IGF1R: variants seen among roughly 807,000 people sequenced by gnomAD.
IGF1R encodes the protein insulin-like growth factor 1 receptor.
In IGF1R, 44 loss-of-function variants were observed where a neutral mutation model predicts 144.6. The ratio of observed to expected loss-of-function variants is 0.30; its 90% CI spans 0.24 to 0.39. The LOEUF is 0.39. Ranked by LOEUF, IGF1R falls within the 10% of genes least tolerant of loss-of-function variation. The pLI is 1.00. For missense variants in IGF1R, 1,355 were observed against 1,833.7 expected (o/e 0.74, Z 4.77); for synonymous variants, 795 against 722.8 (o/e 1.10, Z -1.60).
chr15:98,657,612 G>T (rs1053145910), intron 1 of IGF1R, among the ~76,000 whole-genome samples: 1 of 152,186 alleles, frequency 6.6e-6, no homozygotes, highest in Non-Finnish European at 1.5e-5. Flanking sequence ...CCTTAGTTCT[G>T]TTGTCTGATT....
chr15:98,650,947 G>A, intron 1 of IGF1R: 1 of 985,164 alleles, frequency 1.0e-6, no homozygotes, highest in East Asian at 1.1e-4. Context: ...TACGGCCGGA[G>A]GAGGTGGGGG....
chr15:98,746,624 A>G (rs552135113), intron 2 of IGF1R, among the ~76,000 whole-genome samples: 1 of 152,338 alleles, frequency 6.6e-6, no homozygotes, highest in East Asian at 1.9e-4. Flanking sequence ...CTTAGTTTGC[A>G]GAAAGGAATA....
intron 8 of IGF1R, among the ~76,000 whole-genome samples, chr15:98,914,238 T>A (rs918960882): frequency 2.6e-5 from 4 of 152,190 alleles, no homozygotes; most frequent in African/African-American, 9.7e-5. Context: ...TTCCATCCCC[T>A]TAGGGGTTAG....
intron 20 of IGF1R, among the ~76,000 whole-genome samples, chr15:98,950,928 A>G (rs558287498): frequency 2.6e-5 from 4 of 152,304 alleles, no homozygotes; most frequent in South Asian, 4.2e-4. Flanking sequence ...TGTTGCTACA[A>G]ATACTGAATC....
At chr15:98,918,498 G>A (rs1180472597) in intron 10 of IGF1R, among the ~76,000 whole-genome samples, 1 of 152,124 alleles carries the variant, frequency 6.6e-6, no homozygotes, top group Non-Finnish European at 1.5e-5. Context: ...ATAAAGACTG[G>A]TTAGAACTGG....
chr15:98,889,367 T>C (rs1271253298), intron 2 of IGF1R, among the ~76,000 whole-genome samples: 1 of 152,248 alleles, frequency 6.6e-6, no homozygotes. Context: ...AGGCAACTAG[T>C]GGGTGTGTAA....
At position 98,960,395 on chromosome 15, in the gene IGF1R, C is replaced by G. The variant is rs1366502777; in HGVS notation, c.*2953C>G. 4.3e-6 allele frequency: 1 copy of G among 233,222 alleles called. No homozygotes were observed. Among genetic ancestry groups the G allele is most frequent in the Admixed American group, 5.6e-5 (1 of 17,792 alleles). 14.4% of individuals were successfully genotyped at this position (233,222 alleles called of 1,614,324 possible). On this transcript the variant is annotated 3_prime_UTR_variant, in exon 21 of 21. Transcript: ENST00000650285. ...GGCCAACGAGGGCACCAGAGCACAC[C>G]TGGGGGAGCCACCAGGCTGTCCCTG...
intron 2 of IGF1R, among the ~76,000 whole-genome samples, chr15:98,793,016 G>C (rs774900395): frequency 6.6e-6 from 1 of 152,102 alleles, no homozygotes; most frequent in African/African-American, 2.4e-5. Context: ...GCTCTGGTCT[G>C]TCCTCTGCTG....
Position 98,957,569 on chromosome 15 carries a change from T to TGCTGCCCGC in IGF1R, c.*129_*137dup. ...CTCAGTGGATCTTCAGAACTGCCCT[T>TGCTGCCCGC]GCTGCCCGCGGGAGACAGCTTCTCT... On this transcript the variant is annotated 3_prime_UTR_variant, in exon 21 of 21. Coordinates refer to ENST00000650285, the MANE Select transcript of IGF1R (RefSeq NM_000875.5). The TGCTGCCCGC allele has an allele frequency of 8.2e-7, 1 of 1,215,926 alleles. No individual in the cohort carries two copies. The highest frequency in any genetic ancestry group is 1.2e-6 in the Non-Finnish European group (1 of 842,368). The allele number at this position is 1,215,926 out of a possible 1,614,324, so 75.3% of individuals were successfully genotyped here.
chr15:98,665,045 C>T (rs1316198754), intron 1 of IGF1R, among the ~76,000 whole-genome samples: 1 of 151,168 alleles, frequency 6.6e-6, no homozygotes, highest in South Asian at 2.1e-4. Context: ...GCAAGCTCCA[C>T]CTCCCGGGTT....
At chr15:98,779,590 T>G (rs2055804681) in intron 2 of IGF1R, among the ~76,000 whole-genome samples, 1 of 152,214 alleles carries the variant, frequency 6.6e-6, no homozygotes, top group South Asian at 2.1e-4. Context: ...CTGTGAAATT[T>G]TACTGTTTTG....
At chr15:98,869,079 G>C (rs996937441) in intron 2 of IGF1R, among the ~76,000 whole-genome samples, 4 of 152,092 alleles carry the variant, frequency 2.6e-5, no homozygotes, top group African/African-American at 9.7e-5. Flanking sequence ...TGGTTTCTCA[G>C]ATTTTTATCC....
At chr15:98,768,389 G>T (rs1171918158) in intron 2 of IGF1R, among the ~76,000 whole-genome samples, 1 of 152,092 alleles carries the variant, frequency 6.6e-6, no homozygotes, top group Admixed American at 6.6e-5. Context: ...GGCTGAGGCG[G>T]GTGGATCATG....
Position 98,932,547 on chromosome 15 carries a change from T to C in IGF1R, c.2956+2242T>C, listed in dbSNP as rs192855576. ...CTTCAGGGACCTCCCAGGGAATGAA[T>C]GTGATTGGTTTCAACTCCATGTTTT... On this transcript the variant is annotated intron_variant, in intron 15 of 20. Coordinates refer to ENST00000650285, the MANE Select transcript of IGF1R (RefSeq NM_000875.5). Among the ~76,000 whole-genome samples the C allele has an allele frequency of 1.6e-3, 237 of 152,286 alleles. 2 individuals are homozygous for C. Among genetic ancestry groups the C allele is most frequent in the African/African-American group, 5.4e-3 (225 of 41,556 alleles).
chr15:98,661,956 C>CTTTTTTTTTTTTTTTTTTT lies in IGF1R; in HGVS notation c.94+12289_94+12307dup, dbSNP rs869208651. On this transcript the variant is annotated intron_variant, in intron 1 of 20. Transcript: ENST00000650285. The stretch of plus-strand genomic sequence containing the variant: ...GAATTGCTGCCAGTTGAATAGGGCC[C>CTTTTTTTTTTTTTTTTTTT]TTTTTTTTTTTTTTTTTTTTTTTTT... 2.2e-4 allele frequency among the ~76,000 whole-genome samples: 23 copies of CTTTTTTTTTTTTTTTTTTT among 105,716 alleles called. 2 individuals carry two copies. The highest frequency in any genetic ancestry group is 1.1e-3 in the East Asian group (4 of 3,790). 69.4% of individuals were successfully genotyped at this position (105,716 alleles called of 152,430 possible).
chr15:98,930,510 G>A (rs1175467678), intron 15 of IGF1R, among the ~76,000 whole-genome samples: 1 of 151,996 alleles, frequency 6.6e-6, no homozygotes, highest in Admixed American at 6.6e-5. Context: ...CAAAACTTGT[G>A]GGACTGTATG....
At chr15:98,921,596 G>T (rs1371344834) in intron 10 of IGF1R, among the ~76,000 whole-genome samples, 1 of 152,070 alleles carries the variant, frequency 6.6e-6, no homozygotes, top group African/African-American at 2.4e-5. Flanking sequence ...CCCAAGAAGA[G>T]AGAGCCCTGG....
chr15:98,903,820 A>G (rs1300994220), intron 5 of IGF1R, among the ~76,000 whole-genome samples: 1 of 152,214 alleles, frequency 6.6e-6, no homozygotes, highest in African/African-American at 2.4e-5. Context: ...AAAAGAAAAA[A>G]TCCAGACACA....
rs2053907780 is a variant in IGF1R, at chr15:98,708,063, A to C, written c.596A>C (p.Asn199Thr). ...KPMCEKTTINNEYNYRCWTTN... is the reference protein window; with the variant it reads ...KPMCEKTTINTEYNYRCWTTN... Reference sequence around the variant, plus strand: ...ATGTGTGAGAAGACCACCATCAACAATGAGTACAACTACCGCTGCTGGACC... The same window carrying C: ...ATGTGTGAGAAGACCACCATCAACACTGAGTACAACTACCGCTGCTGGACC... The change falls in exon 2 of 21, where the codon AAT becomes ACT. Residue 199 changes from asparagine to threonine, a missense_variant. Physicochemically the swap from Asn to Thr is moderately conservative, Grantham distance 65. Around this residue, in one of 7 missense-constraint regions of IGF1R, gnomAD observed 880 missense variants for 1,202.7 expected, o/e 0.73. Transcript: ENST00000650285. The C allele has an allele frequency of 1.2e-6, 2 of 1,614,058 alleles. No individual in the cohort carries two copies. Among genetic ancestry groups the C allele is most frequent in the Middle Eastern group, 3.3e-4 (2 of 6,006 alleles).
Sources: gnomAD v4.1 joint callset for allele counts (sites outside exome capture counted in the v4.1 genomes callset) on GRCh38, gnomAD v4.1.1 for gene constraint, gnomAD v4.1.1 regional missense constraint, MANE v1.5 for transcripts, NCBI Gene and HGNC (gene_info 2026-07-23, HGNC 2026-07-21) for gene names.